The following TBX18 variants were observed in gnomAD, a reference collection of about 807,000 sequenced individuals.
TBX18 encodes the protein T-box transcription factor TBX18.
A neutral mutation model predicts 55.0 loss-of-function variants in TBX18; 21 were observed. The observed-to-expected ratio is 0.38, with a 90% CI of 0.27 to 0.55. The LOEUF is 0.55. Among genes scored for constraint, TBX18 ranks in the 20% least tolerant of loss-of-function variants. The pLI is 0.73. For missense variants in TBX18, 840 were observed against 799.6 expected (o/e 1.05, Z -0.61); for synonymous variants, 342 against 326.1 (o/e 1.05, Z -0.53).
chr6:84,758,300 C>T (rs1320129337), intron 3 of TBX18, among the ~76,000 whole-genome samples: 5 of 150,370 alleles, frequency 3.3e-5, no homozygotes, highest in East Asian at 2.0e-4. Flanking sequence ...CCCAGCTATT[C>T]GGGAGGCTGA....
rs913970941 is a variant in TBX18 at position 84,738,583 on chromosome 6, A to G, written c.1013T>C (p.Leu338Ser). The G allele has an allele frequency of 1.2e-6, 2 of 1,613,698 alleles. No individual in the cohort carries two copies. Reference protein sequence around the residue: ...FRDSGRNRMGLEALVESYAFW... With the variant: ...FRDSGRNRMGSEALVESYAFW... Reference sequence around the variant, plus strand: ...TGCATATGATTCCACCAAGGCTTCCAAACCCATTCTAAATGGAAAGGGTCA... The same window carrying G: ...TGCATATGATTCCACCAAGGCTTCCGAACCCATTCTAAATGGAAAGGGTCA... The change falls in exon 7 of 8, where the codon TTG (leucine) becomes TCG (serine). Residue 338 changes from leucine (L) to serine (S), a missense_variant. Transcript: ENST00000369663.
intron 3 of TBX18, 51 bp downstream of exon 3, chr6:84,760,204 G>T: frequency 1.7e-6 from 2 of 1,211,506 alleles, no homozygotes; most frequent in Non-Finnish European, 2.2e-6. Context: ...GCACTAGCCT[G>T]CAAAATCCTA....
intron 6 of TBX18, among the ~76,000 whole-genome samples, chr6:84,739,410 C>G (rs1355797771): frequency 6.6e-6 from 1 of 152,124 alleles, no homozygotes; most frequent in Non-Finnish European, 1.5e-5. Context: ...TATCAACCAT[C>G]TCCTACCATG....
chr6:84,736,526 A>T lies in TBX18; in HGVS notation c.*159T>A. The T allele has an allele frequency of 1.3e-6, 1 of 753,160 alleles. No homozygotes were observed. The highest frequency in any genetic ancestry group is 2.0e-6 in the Non-Finnish European group (1 of 501,684). The allele number at this position is 753,160 out of a possible 1,614,324, so 46.7% of individuals were successfully genotyped here. A position where few individuals can be genotyped will look rare whatever the true frequency, so the allele number is the denominator to read the frequency against. ...GCATACATATATACCATAGATAATT[A>T]CAATCTCACCATGATAAAGTCAAAA... is the stretch of plus-strand genomic sequence containing the variant. On this transcript the variant is annotated 3_prime_UTR_variant, in exon 8 of 8. Coordinates refer to ENST00000369663, the MANE Select transcript of TBX18 (RefSeq NM_001080508.3).
chr6:84,758,499 T>G (rs1004167324), intron 3 of TBX18, among the ~76,000 whole-genome samples: 19 of 152,110 alleles, frequency 1.2e-4, no homozygotes, highest in African/African-American at 4.6e-4. Flanking sequence ...TGGGCTTTTG[T>G]GAATATTAAT....
At chr6:84,743,910 A>G (rs1190442768) in intron 6 of TBX18, among the ~76,000 whole-genome samples, 2 of 152,202 alleles carry the variant, frequency 1.3e-5, no homozygotes, top group Admixed American at 1.3e-4. Flanking sequence ...TAGTCGCATC[A>G]TCACTAAAGA....
chr6:84,738,424 T>G, intron 7 of TBX18, 73 bp downstream of exon 7: 2 of 1,113,660 alleles, frequency 1.8e-6, no homozygotes, highest in East Asian at 4.7e-5. Context: ...AATAATGACT[T>G]GTACACTTTT....
intron 4 of TBX18, among the ~76,000 whole-genome samples, chr6:84,749,480 TTTTTTTC>T (rs1310081349): frequency 1.0e-5 from 1 of 100,272 alleles, no homozygotes; most frequent in East Asian, 2.2e-4. Flanking sequence ...GCTAAGATTT[TTTTTTTC>T]TTTTTTTTTT....
chr6:84,761,500 A>G (rs537217062), intron 2 of TBX18, among the ~76,000 whole-genome samples: 4 of 152,338 alleles, frequency 2.6e-5, no homozygotes, highest in South Asian at 4.1e-4. Context: ...TCATTAATAA[A>G]AGCTCTGTGA....
chr6:84,756,296 C>A (rs1767484786), intron 4 of TBX18, among the ~76,000 whole-genome samples: 1 of 152,222 alleles, frequency 6.6e-6, no homozygotes. Flanking sequence ...TAGACAATTA[C>A]TGAGAAGCAA....
At chr6:84,751,725 G>A (rs190842713) in intron 4 of TBX18, among the ~76,000 whole-genome samples, 3 of 152,322 alleles carry the variant, frequency 2.0e-5, no homozygotes, top group African/African-American at 7.2e-5. Context: ...AGTAGGAATT[G>A]AGGAGAGAAA....
At chr6:84,763,585 G>A in intron 1 of TBX18, 2 of 636,798 alleles carry the variant, frequency 3.1e-6, no homozygotes, top group Admixed American at 2.2e-5. Context: ...CCATTGGCTG[G>A]AACCCCAAGG....
intron 4 of TBX18, among the ~76,000 whole-genome samples, chr6:84,752,782 T>C (rs751798551): frequency 2.6e-5 from 4 of 152,176 alleles, no homozygotes; most frequent in Non-Finnish European, 5.9e-5. Flanking sequence ...TCAGTATCAC[T>C]GAGTCCTCAG....
At chr6:84,745,178 C>T (rs1418199084) in intron 5 of TBX18, among the ~76,000 whole-genome samples, 1 of 152,042 alleles carries the variant, frequency 6.6e-6, no homozygotes, top group Non-Finnish European at 1.5e-5. Context: ...CAACTTTTTG[C>T]TCACTAAGAC....
intron 5 of TBX18, 121 bp downstream of exon 5, chr6:84,747,799 T>C: frequency 1.1e-6 from 1 of 906,494 alleles, no homozygotes; most frequent in Non-Finnish European, 1.6e-6. Flanking sequence ...TATATACACT[T>C]TGAATGTCAT....
chr6:84,738,686 G>C, intron 6 of TBX18, 95 bp from the exon 7 acceptor site: 1 of 889,764 alleles, frequency 1.1e-6, no homozygotes, highest in Non-Finnish European at 1.9e-6. Flanking sequence ...AAACAACACT[G>C]ATATTGACAG....
intron 7 of TBX18, among the ~76,000 whole-genome samples, chr6:84,738,111 A>T (rs1422053829): frequency 3.9e-5 from 6 of 152,302 alleles, no homozygotes; most frequent in African/African-American, 1.2e-4. Context: ...TTAACCCAAC[A>T]GGAGAACCCT....
At chr6:84,761,364 G>C (rs1767641658) in intron 2 of TBX18, among the ~76,000 whole-genome samples, 1 of 152,034 alleles carries the variant, frequency 6.6e-6, no homozygotes, top group African/African-American at 2.4e-5. Context: ...CTAGGTATGG[G>C]AACAGTTTAA....
chr6:84,736,439 T>C lies in TBX18; in HGVS notation c.*246A>G. 3.0e-6 allele frequency: 1 copy of C among 331,750 alleles called. No individual in the cohort carries two copies. The highest frequency in any genetic ancestry group is 5.3e-6 in the Non-Finnish European group (1 of 187,758). 20.6% of individuals were successfully genotyped at this position (331,750 alleles called of 1,614,324 possible). A position where few individuals can be genotyped will look rare whatever the true frequency, so the allele number is the denominator to read the frequency against. On this transcript the variant is annotated 3_prime_UTR_variant, in exon 8 of 8. Coordinates refer to ENST00000369663, the MANE Select transcript of TBX18 (RefSeq NM_001080508.3). ...ATACTACACGCATGCCAATACTCCGTGCAACTGGATGAAACAGGGGAACAA... is the reference window on the plus strand; with the variant it reads ...ATACTACACGCATGCCAATACTCCGCGCAACTGGATGAAACAGGGGAACAA...
Sources: gnomAD v4.1 joint callset for allele counts (sites outside exome capture counted in the v4.1 genomes callset) on GRCh38, gnomAD v4.1.1 for gene constraint, MANE v1.5 for transcripts, NCBI Gene and HGNC (gene_info 2026-07-23, HGNC 2026-07-21) for gene names.